The following FAM117B variants were observed in gnomAD, a reference collection of about 807,000 sequenced individuals.
The protein encoded by FAM117B is protein FAM117B.
FAM117B carries 22 observed loss-of-function variants against 52.8 expected under a neutral mutation model. The ratio of observed to expected loss-of-function variants is 0.42; its 90% CI spans 0.30 to 0.59. The LOEUF is 0.59. Among genes scored for constraint, FAM117B ranks in the 20% least tolerant of loss-of-function variants. The probability of loss-of-function intolerance (pLI) is 0.22; values close to 1 mark genes in which losing one functional copy is unlikely to be tolerated. For synonymous variants in FAM117B, 309 were observed against 324.1 expected, an observed-to-expected ratio of 0.95 and a Z score of 0.50; for missense variants, 678 against 802.6, an observed-to-expected ratio of 0.84 and a Z score of 1.88.
At chr2:202,642,176 A>G (rs1574537528) in intron 1 of FAM117B, among the ~76,000 whole-genome samples, 1 of 139,198 alleles carries the variant, frequency 7.2e-6, no homozygotes, top group African/African-American at 2.7e-5. Context: ...GCTGGTCCTG[A>G]ACTCCTGACC....
At chr2:202,664,264 G>A (rs1690170535) in intron 1 of FAM117B, among the ~76,000 whole-genome samples, 1 of 152,104 alleles carries the variant, frequency 6.6e-6, no homozygotes, top group East Asian at 1.9e-4. Flanking sequence ...TGACTCCAGA[G>A]GTTTTAAGCT....
chr2:202,660,152 C>T (rs1238852060), intron 1 of FAM117B, among the ~76,000 whole-genome samples: 1 of 151,670 alleles, frequency 6.6e-6, no homozygotes, highest in East Asian at 1.9e-4. Context: ...TGTGTATTTG[C>T]CCTTACTTCA....
At chr2:202,690,739 A>C (rs1690608366) in intron 1 of FAM117B, among the ~76,000 whole-genome samples, 1 of 152,176 alleles carries the variant, frequency 6.6e-6, no homozygotes, top group Non-Finnish European at 1.5e-5. Flanking sequence ...GTGAGGCTTC[A>C]GAGGCCAGAT....
At chr2:202,712,198 G>T (rs983241954) in intron 2 of FAM117B, among the ~76,000 whole-genome samples, 8 of 151,536 alleles carry the variant, frequency 5.3e-5, no homozygotes, top group Non-Finnish European at 8.8e-5. Flanking sequence ...TTCTTTTTTT[G>T]TGTGTCTTTA....
At position 202,635,632 on chromosome 2, in the gene FAM117B, A is replaced by T; in HGVS notation, c.445A>T (p.Thr149Ser). 1.5e-6 allele frequency: 2 copies of T among 1,312,354 alleles called. No individual in the cohort carries two copies. Among genetic ancestry groups the T allele is most frequent in the Non-Finnish European group, 1.9e-6 (2 of 1,034,170 alleles). 81.3% of individuals were successfully genotyped at this position (1,312,354 alleles called of 1,614,324 possible). Residue 149 changes from threonine (T) to serine (S), a missense_variant, in exon 1 of 8, where the codon ACC becomes TCC. Thr to Ser is a moderately conservative substitution (Grantham distance 58). This residue lies in a region of FAM117B where 583 missense variants were observed against 644.8 expected (regional missense o/e 0.90). Transcript: ENST00000392238. ...GCCGCCGCCGCCGCCGCTGCTGGGC[A>T]CCGTGTCGTCGCCCAGCTCGTCGCC... is the stretch of plus-strand genomic sequence containing the variant. The part of the protein sequence containing the change: ...RPPPPPPLLG[T>S]VSSPSSSPTH...
At chr2:202,698,106 A>G (rs1369032722) in intron 2 of FAM117B, among the ~76,000 whole-genome samples, 1 of 152,018 alleles carries the variant, frequency 6.6e-6, no homozygotes, top group Non-Finnish European at 1.5e-5. Context: ...CCTGACCTCA[A>G]GTGATCTGCC....
At chr2:202,651,085 C>T (rs1236958475) in intron 1 of FAM117B, among the ~76,000 whole-genome samples, 4 of 132,458 alleles carry the variant, frequency 3.0e-5, no homozygotes, top group East Asian at 2.2e-4. Flanking sequence ...TTTTTTAAGA[C>T]GGAATCTTGC....
At chr2:202,646,892 C>G (rs376764486) in intron 1 of FAM117B, among the ~76,000 whole-genome samples, 1 of 151,932 alleles carries the variant, frequency 6.6e-6, no homozygotes, top group African/African-American at 2.4e-5. Flanking sequence ...ATACAAGATG[C>G]TAATGAGATA....
chr2:202,744,772 G>A (rs1446079874), intron 4 of FAM117B, among the ~76,000 whole-genome samples: 13 of 151,522 alleles, frequency 8.6e-5, no homozygotes, highest in Admixed American at 8.5e-4. Context: ...TCAGGAGTTC[G>A]AGATCAGCCT....
At chr2:202,637,540 A>G (rs1056176479) in intron 1 of FAM117B, among the ~76,000 whole-genome samples, 5 of 152,232 alleles carry the variant, frequency 3.3e-5, no homozygotes, top group Non-Finnish European at 7.3e-5. Context: ...TGCCCAGCCC[A>G]GAGCACTATT....
At chr2:202,700,723 G>C (rs1574561384) in intron 2 of FAM117B, among the ~76,000 whole-genome samples, 1 of 138,004 alleles carries the variant, frequency 7.2e-6, no homozygotes, top group Non-Finnish European at 1.5e-5. Flanking sequence ...GTCTTGCTCT[G>C]TCACCTAGGC....
In FAM117B at chr2:202,757,245, A is replaced by G. The variant is rs754819663; in HGVS notation, c.1137A>G (p.Pro379=). The part of the protein sequence containing the change: ...PQDIPDGHRA[P]PPLVQRSSST... ...ATATTCCAGATGGCCATCGTGCTCCACCCCCCCTTGTACAGAGAAGTAGCA... is the reference window on the plus strand; with the variant it reads ...ATATTCCAGATGGCCATCGTGCTCCGCCCCCCCTTGTACAGAGAAGTAGCA... Residue 379 remains proline (P), a synonymous_variant, in exon 6 of 8, where the codon CCA becomes CCG. Transcript: ENST00000392238. 6.8e-6 allele frequency: 11 copies of G among 1,613,338 alleles called. No individual in the cohort carries two copies. In the East Asian group the frequency reaches 1.8e-4, roughly 26 times the overall value.
intron 1 of FAM117B, among the ~76,000 whole-genome samples, chr2:202,675,398 A>G (rs942170984): frequency 7.7e-6 from 1 of 129,824 alleles, no homozygotes; most frequent in African/African-American, 2.9e-5. Context: ...GTGAACCAAG[A>G]TTGTGCCACC....
intron 2 of FAM117B, among the ~76,000 whole-genome samples, chr2:202,724,661 T>A (rs1349336394): frequency 6.6e-6 from 1 of 152,204 alleles, no homozygotes; most frequent in African/African-American, 2.4e-5. Flanking sequence ...CCATAAATGC[T>A]TTATTTGTAG....
chr2:202,753,567 G>A (rs1691756467), intron 4 of FAM117B, among the ~76,000 whole-genome samples: 1 of 152,126 alleles, frequency 6.6e-6, no homozygotes, highest in Non-Finnish European at 1.5e-5. Flanking sequence ...TATCATCAGA[G>A]TGAACAGGCA....
chr2:202,702,085 T>C (rs1690802994), intron 2 of FAM117B, among the ~76,000 whole-genome samples: 1 of 152,162 alleles, frequency 6.6e-6, no homozygotes, highest in African/African-American at 2.4e-5. Context: ...GCAAACTTCA[T>C]TGTCATCTTA....
chr2:202,674,163 C>G (rs1033136946), intron 1 of FAM117B, among the ~76,000 whole-genome samples: 2 of 152,136 alleles, frequency 1.3e-5, no homozygotes, highest in African/African-American at 4.8e-5. Flanking sequence ...GTGCAGAACT[C>G]TAGACACACT....
chr2:202,646,850 T>A (rs528524688), intron 1 of FAM117B, among the ~76,000 whole-genome samples: 3 of 152,294 alleles, frequency 2.0e-5, no homozygotes, highest in African/African-American at 7.2e-5. Flanking sequence ...CTTGTTTAAG[T>A]GATAACAATA....
chr2:202,674,687 C>T (rs567142112), intron 1 of FAM117B, among the ~76,000 whole-genome samples: 37 of 152,338 alleles, frequency 2.4e-4, no homozygotes, highest in African/African-American at 8.9e-4. Context: ...AGTTTCTTCT[C>T]CATCCACAGG....
Sources: gnomAD v4.1 joint callset for allele counts (sites outside exome capture counted in the v4.1 genomes callset) on GRCh38, gnomAD v4.1.1 for gene constraint, gnomAD v4.1.1 regional missense constraint, MANE v1.5 for transcripts, NCBI Gene and HGNC (gene_info 2026-07-23, HGNC 2026-07-21) for gene names.